The following TRAPPC9 variants were observed in gnomAD, a reference collection of about 807,000 sequenced individuals.
The protein encoded by TRAPPC9 is trafficking protein particle complex subunit 9.
In TRAPPC9, 83 loss-of-function variants were observed where a neutral mutation model predicts 124.0. The observed-to-expected ratio is 0.67, with a 90% CI of 0.56 to 0.80. The LOEUF (loss-of-function observed/expected upper bound fraction) is 0.80. TRAPPC9 is among the 30% of genes least tolerant of loss of function. The pLI, the probability that TRAPPC9 is intolerant of heterozygous loss-of-function variation, is 0.00. For missense variants in TRAPPC9, 1,302 were observed against 1,508.3 expected (o/e 0.86, Z 2.27); for synonymous variants, 638 against 617.5 (o/e 1.03, Z -0.49).
chr8:140,117,905 T>C (rs2060919707), intron 17 of TRAPPC9, among the ~76,000 whole-genome samples: 1 of 152,142 alleles, frequency 6.6e-6, no homozygotes, highest in African/African-American at 2.4e-5. Flanking sequence ...AAATAAAAAA[T>C]AGATTTATCT....
At chr8:140,442,096 C>T (rs572017908) in intron 2 of TRAPPC9, among the ~76,000 whole-genome samples, 21 of 152,290 alleles carry the variant, frequency 1.4e-4, no homozygotes, top group African/African-American at 5.1e-4. Context: ...TGTACACCTG[C>T]TGTAGCAAAA....
At position 139,907,646 on chromosome 8, in the gene TRAPPC9, C is replaced by G. The variant is rs1231440943; in HGVS notation, c.2964+2501G>C. Among the ~76,000 whole-genome samples, 1 of 152,246 alleles carries G rather than the reference C, an allele frequency of 6.6e-6. No individual in the cohort carries two copies. Among genetic ancestry groups the G allele is most frequent in the African/African-American group, 2.4e-5 (1 of 41,540 alleles). On this transcript the variant is annotated intron_variant, in intron 20 of 22. Coordinates refer to ENST00000438773, the MANE Select transcript of TRAPPC9 (RefSeq NM_001160372.4). The surrounding 1 kb of genome is among the most constrained non-coding windows in gnomAD (Gnocchi z 4.7). ...AAATTTGCCTATAGGGACAATCAAG[C>G]TCTCATAAACTTCCGATCAGTAAAT...
chr8:139,780,720 C>T (rs963904192), intron 21 of TRAPPC9, among the ~76,000 whole-genome samples: 7 of 151,970 alleles, frequency 4.6e-5, no homozygotes, highest in African/African-American at 1.5e-4. Context: ...GTTAAAGACA[C>T]CACCAAGAGA....
At chr8:140,269,761 T>C (rs562800879) in intron 15 of TRAPPC9, among the ~76,000 whole-genome samples, 2 of 152,176 alleles carry the variant, frequency 1.3e-5, no homozygotes, top group South Asian at 4.1e-4. Context: ...GATGGAATGA[T>C]GGTTGATACA....
intron 21 of TRAPPC9, among the ~76,000 whole-genome samples, chr8:139,813,978 C>T (rs919601721): frequency 1.3e-5 from 2 of 152,152 alleles, no homozygotes; most frequent in Admixed American, 1.3e-4. Flanking sequence ...GGTGAGGGTG[C>T]CCCAGAAAGT....
intron 21 of TRAPPC9, among the ~76,000 whole-genome samples, chr8:139,794,594 C>A (rs561447999): frequency 3.3e-5 from 5 of 152,320 alleles, no homozygotes; most frequent in African/African-American, 1.2e-4. Context: ...GAACCCTGCC[C>A]AGCAACTGTG....
chr8:139,791,407 T>TCA (rs905787603), intron 21 of TRAPPC9, among the ~76,000 whole-genome samples: 4 of 134,738 alleles, frequency 3.0e-5, no homozygotes, highest in African/African-American at 6.9e-5. Context: ...CTGCACAGAC[T>TCA]CACACACACA....
chr8:140,180,462 A>C (rs1391856076), intron 17 of TRAPPC9, among the ~76,000 whole-genome samples: 1 of 152,056 alleles, frequency 6.6e-6, no homozygotes, highest in African/African-American at 2.4e-5. Context: ...GAAACGTAAA[A>C]ATTCAAAAAT....
intron 2 of TRAPPC9, among the ~76,000 whole-genome samples, chr8:140,444,174 T>C (rs935113917): frequency 6.8e-6 from 1 of 147,536 alleles, no homozygotes; most frequent in Admixed American, 6.8e-5. Context: ...AACATGCCAC[T>C]GCCCTCCAGC....
In TRAPPC9 at chr8:139,997,839, G is replaced by C. The variant is rs574409621; in HGVS notation, c.2700-9003C>G. 2.2e-3 allele frequency among the ~76,000 whole-genome samples: 289 copies of C among 129,162 alleles called. 5 individuals carry two copies. The highest frequency in any genetic ancestry group is 8.2e-3 in the African/African-American group (275 of 33,602). 84.7% of individuals were successfully genotyped at this position (129,162 alleles called of 152,430 possible). A position where few individuals can be genotyped will look rare whatever the true frequency, so the allele number is the denominator to read the frequency against. ...GGAGACAATGCATCCCACACAGGGA[G>C]ACAATGCATCCCACACAGGAGAGAC... On this transcript the variant is annotated intron_variant, in intron 18 of 22. Transcript: ENST00000438773.
chr8:140,256,097 G>T (rs777992139), intron 15 of TRAPPC9, among the ~76,000 whole-genome samples: 33 of 152,206 alleles, frequency 2.2e-4, no homozygotes, highest in Non-Finnish European at 4.3e-4. Context: ...TCAAGCTTTG[G>T]GGGCAAAGGG....
chr8:140,158,196 C>T (rs945746088), intron 17 of TRAPPC9, among the ~76,000 whole-genome samples: 74 of 152,350 alleles, frequency 4.9e-4, no homozygotes, highest in African/African-American at 1.8e-3. Flanking sequence ...AATATAACCA[C>T]ATCCCAATCC....
At chr8:140,354,393 A>T (rs2067677921) in intron 9 of TRAPPC9, among the ~76,000 whole-genome samples, 1 of 152,242 alleles carries the variant, frequency 6.6e-6, no homozygotes, top group Admixed American at 6.5e-5. Context: ...TCCTAAGAAG[A>T]TTCCACAAAT....
Position 140,216,914 on chromosome 8 carries a change from C to G in TRAPPC9, c.2556+4545G>C. On this transcript the variant is annotated intron_variant, in intron 17 of 22. Coordinates refer to ENST00000438773, the MANE Select transcript of TRAPPC9 (RefSeq NM_001160372.4). This position sits in a 1 kb window ranked among gnomAD's most constrained non-coding sequence, Gnocchi z 4.1. ...TATCTTAGCCACCAGCCCAGGAGTT[C>G]CATGAAGTCAAGACAGCCATGATGC... Among the ~76,000 whole-genome samples, 1 of 152,200 alleles carries G rather than the reference C, an allele frequency of 6.6e-6. No homozygotes were observed. The highest frequency in any genetic ancestry group is 1.9e-4 in the East Asian group (1 of 5,190).
At position 140,302,175 on chromosome 8, in the gene TRAPPC9, AC is replaced by A. The variant is rs954904541; in HGVS notation, c.1623-1562del. ...ACTCGGCAGACAATCCCCACCACAG[AC>A]CCACATCCCAGCCCCGGGGAGCCTG... On this transcript the variant is annotated intron_variant, in intron 10 of 22. Coordinates refer to ENST00000438773, the MANE Select transcript of TRAPPC9 (RefSeq NM_001160372.4). Among the ~76,000 whole-genome samples the A allele has an allele frequency of 3.5e-4, 54 of 152,114 alleles. 1 individual carries two copies. Among genetic ancestry groups the A allele is most frequent in the African/African-American group, 1.3e-3 (53 of 41,492 alleles).
chr8:139,765,585 T>C (rs1820530171), intron 21 of TRAPPC9, among the ~76,000 whole-genome samples: 1 of 152,138 alleles, frequency 6.6e-6, no homozygotes, highest in South Asian at 2.1e-4. Context: ...TGGTTTCAGG[T>C]CAGAACCCCC....
intron 7 of TRAPPC9, among the ~76,000 whole-genome samples, chr8:140,371,601 T>C (rs941215200): frequency 3.3e-5 from 5 of 150,198 alleles, no homozygotes; most frequent in Admixed American, 6.7e-5. Flanking sequence ...ACAATACCAC[T>C]GATATCAGAC....
chr8:140,036,466 C>T (rs1378600183), intron 17 of TRAPPC9, among the ~76,000 whole-genome samples: 1 of 146,646 alleles, frequency 6.8e-6, no homozygotes, highest in African/African-American at 2.7e-5. Flanking sequence ...CGGATCTCTT[C>T]AAGATTAGAT....
At position 140,235,308 on chromosome 8, in the gene TRAPPC9, A is replaced by T. The variant is rs571287447; in HGVS notation, c.2432-13725T>A. Among the ~76,000 whole-genome samples, 464 of 152,352 alleles carry T rather than the reference A, an allele frequency of 3.0e-3. 3 individuals carry two copies. The highest frequency in any genetic ancestry group is 9.8e-3 in the African/African-American group (409 of 41,578). ...AATTTTTAGTTAAGAAATCTAATTTAAAAAATTGATAAATTCTCTTCATTA... is the reference window on the plus strand; with the variant it reads ...AATTTTTAGTTAAGAAATCTAATTTTAAAAATTGATAAATTCTCTTCATTA... On this transcript the variant is annotated intron_variant, in intron 16 of 22. Transcript: ENST00000438773.
Sources: allele counts gnomAD v4.1 joint callset (sites outside exome capture counted in the v4.1 genomes callset), GRCh38; gene constraint gnomAD v4.1.1; non-coding constraint Gnocchi (gnomAD v3.1); transcripts MANE v1.5; gene names NCBI Gene and HGNC (gene_info 2026-07-23, HGNC 2026-07-21).